Variants in CA6 observed in about 807,000 individuals in gnomAD.
The protein encoded by CA6 is carbonate dehydratase VI.
In CA6, 28 loss-of-function variants were observed where a neutral mutation model predicts 35.9. That is an observed-to-expected ratio of 0.78 (90% CI 0.58 to 1.07). CA6 has a LOEUF of 1.07. CA6 is among the 50% of genes least tolerant of loss of function. The pLI is 0.00. For synonymous variants in CA6, 148 were observed against 152.6 expected (o/e 0.97, Z 0.22); for missense variants, 377 against 382.0 (o/e 0.99, Z 0.11).
At chr1:8,973,716 C>T (rs1005055110) in intron 7 of CA6, among the ~76,000 whole-genome samples, 2 of 9,266 alleles carry the variant, frequency 2.2e-4, no homozygotes, top group African/African-American at 5.8e-4. Flanking sequence ...CTCTCTCTTT[C>T]TTTCTTTCTT....
intron 6 of CA6, among the ~76,000 whole-genome samples, chr1:8,969,967 T>C (rs1159991346): frequency 2.6e-5 from 4 of 152,044 alleles, no homozygotes; most frequent in African/African-American, 7.2e-5. Flanking sequence ...TCCAGCACTA[T>C]GGGAGGCTGA....
In CA6 at chr1:8,949,352, G is replaced by C. The variant is rs200886584; in HGVS notation, c.169G>C (p.Val57Leu). The C allele has an allele frequency of 6.2e-7, 1 of 1,613,396 alleles. No homozygotes were observed. Among genetic ancestry groups the C allele is most frequent in the Non-Finnish European group, 8.5e-7 (1 of 1,179,576 alleles). ...QSPINLQRTK[V>L]RYNPSLKGLN... ...GCCTATCAACCTACAGAGGACGAAGGTGCGGTACAACCCCTCCTTGAAGGG... is the reference window on the plus strand; with the variant it reads ...GCCTATCAACCTACAGAGGACGAAGCTGCGGTACAACCCCTCCTTGAAGGG... Residue 57 changes from valine (V) to leucine (L), a missense_variant, in exon 2 of 8, where the codon GTG becomes CTG. Transcript: ENST00000377443.
At chr1:8,945,994 C>T (rs761252134) in intron 1 of CA6, 29 bp downstream of exon 1, 15 of 1,417,620 alleles carry the variant, frequency 1.1e-5, no homozygotes, top group Non-Finnish European at 1.5e-5. Flanking sequence ...CATGCTCCCC[C>T]AGTTACCCTC....
chr1:8,953,088 A>G (rs930709590), intron 2 of CA6, among the ~76,000 whole-genome samples: 1 of 152,150 alleles, frequency 6.6e-6, no homozygotes. Flanking sequence ...TTTGACCTAT[A>G]GTTTTTCCTC....
At position 8,957,283 on chromosome 1, in the gene CA6, G is replaced by A. The variant is rs755976343; in HGVS notation, c.406G>A (p.Glu136Lys). The change falls in exon 3 of 8, where the codon GAG (glutamate) becomes AAG (lysine). Residue 136 changes from glutamate to lysine, a missense_variant and splice_region_variant. Physicochemically the swap from Glu to Lys is moderately conservative, Grantham distance 56 (BLOSUM62 1). Transcript: ENST00000377443. ...CGTGGACGGGATCAGACATGTGATC[G>A]AGGTACCTGAGGACCCCCACTGTGT... ...HTVDGIRHVI[E>K]IHIVHYNSKY... is the part of the protein sequence containing the mutation. The A allele has an allele frequency of 2.2e-5, 36 of 1,608,892 alleles. No homozygotes were observed. The highest frequency in any genetic ancestry group is 3.1e-5 in the Non-Finnish European group (36 of 1,176,938).
At chr1:8,962,409 C>G (rs1443185390) in intron 4 of CA6, among the ~76,000 whole-genome samples, 178 bp from the exon 5 acceptor site, 3 of 152,068 alleles carry the variant, frequency 2.0e-5, no homozygotes, top group African/African-American at 7.2e-5. Context: ...CATGAACCTG[C>G]GTGGTTGGTA....
Position 8,963,704 on chromosome 1 carries a change from TG to T in CA6, c.571+1050del, listed in dbSNP as rs1337708979. ...CTACAGGTGCACCACCATGCTTGGC[TG>T]GTTTTTTTGTATTTTCAGTAGAGAC... is the stretch of plus-strand genomic sequence containing the variant. On this transcript the variant is annotated intron_variant, in intron 5 of 7. Coordinates refer to ENST00000377443, the MANE Select transcript of CA6 (RefSeq NM_001215.4). This position sits in a 1 kb window ranked among gnomAD's most constrained non-coding sequence, Gnocchi z 4.1. Among the ~76,000 whole-genome samples the T allele has an allele frequency of 2.2e-5, 2 of 89,612 alleles. No individual in the cohort carries two copies. Among genetic ancestry groups the T allele is most frequent in the African/African-American group, 6.7e-5 (1 of 14,944 alleles). 58.8% of individuals were successfully genotyped at this position (89,612 alleles called of 152,430 possible).
chr1:8,949,260 T>C lies in CA6; in HGVS notation c.80-3T>C. On this transcript the variant is annotated splice_polypyrimidine_tract_variant and splice_region_variant and intron_variant, in intron 1 of 7. Coordinates refer to ENST00000377443, the MANE Select transcript of CA6 (RefSeq NM_001215.4). ...CCCTTGAACTGTGTCTTTCCTGTCT[T>C]AGAAGGGGCACTGGACGAAGCGCAC... 1 of 1,591,960 alleles carries C rather than the reference T, an allele frequency of 6.3e-7. No homozygotes were observed. The highest frequency in any genetic ancestry group is 8.5e-7 in the Non-Finnish European group (1 of 1,169,904).
intron 6 of CA6, among the ~76,000 whole-genome samples, chr1:8,968,117 G>A (rs1326625847): frequency 6.6e-6 from 1 of 151,916 alleles, no homozygotes; most frequent in Non-Finnish European, 1.5e-5. Flanking sequence ...CCAGGAGTGT[G>A]CCACCACGCC....
intron 5 of CA6, among the ~76,000 whole-genome samples, chr1:8,965,174 G>A (rs1639937576): frequency 1.3e-5 from 2 of 152,130 alleles, no homozygotes; most frequent in Admixed American, 6.6e-5. Context: ...AACCCGGGAG[G>A]TGGAGGTTGT....
chr1:8,946,174 A>T (rs1200616517), intron 1 of CA6, among the ~76,000 whole-genome samples: 1 of 151,884 alleles, frequency 6.6e-6, no homozygotes, highest in Non-Finnish European at 1.5e-5. Flanking sequence ...AGTACCTGGG[A>T]TTACAGGTGC....
rs755044118 is a variant in CA6 at position 8,951,433 on chromosome 1, G to T, written c.259+1991G>T. On this transcript the variant is annotated intron_variant, in intron 2 of 7. Transcript: ENST00000377443. ...CTCTGATGCTTCCAGATTGGCAGGC[G>T]GAACTCTTCCTCCCCTCCTTGTCCT... 55 of 762,326 alleles carry T rather than the reference G, an allele frequency of 7.2e-5. 2 individuals are homozygous for T. The African/African-American group carries it at 8.0e-4, about 11-fold the overall frequency. The allele number at this position is 762,326 out of a possible 1,614,324, so 47.2% of individuals were successfully genotyped here.
At chr1:8,951,221 A>T (rs1057061327) in intron 2 of CA6, among the ~76,000 whole-genome samples, 84 of 84,292 alleles carry the variant, frequency 1.0e-3, no homozygotes, top group Middle Eastern at 5.7e-3. Context: ...CATCTCAAAG[A>T]AAAAAAAAAA....
At chr1:8,948,611 G>A (rs1170566201) in intron 1 of CA6, among the ~76,000 whole-genome samples, 1 of 151,996 alleles carries the variant, frequency 6.6e-6, no homozygotes, top group Non-Finnish European at 1.5e-5. Flanking sequence ...GAAGAGCAAA[G>A]CCAAGGATCC....
intron 1 of CA6, among the ~76,000 whole-genome samples, chr1:8,948,773 C>T (rs1639437407): frequency 6.6e-6 from 1 of 152,064 alleles, no homozygotes; most frequent in Non-Finnish European, 1.5e-5. Flanking sequence ...AGTTAGAGAT[C>T]AGCCTGGCCA....
intron 3 of CA6, among the ~76,000 whole-genome samples, chr1:8,958,541 C>T (rs1230924293): frequency 2.0e-5 from 3 of 152,204 alleles, no homozygotes; most frequent in Admixed American, 2.0e-4. Flanking sequence ...CAATGGTTGC[C>T]TGGGACAAGG....
intron 4 of CA6, among the ~76,000 whole-genome samples, chr1:8,959,212 T>C (rs1639769383): frequency 6.6e-6 from 1 of 152,118 alleles, no homozygotes; most frequent in Admixed American, 6.6e-5. Flanking sequence ...ACAAGCTGAC[T>C]TAAAAGAGCT....
chr1:8,951,069 G>T (rs1639516886), intron 2 of CA6, among the ~76,000 whole-genome samples: 1 of 149,394 alleles, frequency 6.7e-6, no homozygotes, highest in South Asian at 2.1e-4. Flanking sequence ...CACAAAAATT[G>T]GTTGGGCGTG....
intron 4 of CA6, among the ~76,000 whole-genome samples, chr1:8,959,931 C>CAAAAAAAAAAAAAAAAAAAA (rs373250863): frequency 1.2e-4 from 9 of 75,172 alleles, no homozygotes; most frequent in African/African-American, 6.1e-4. Context: ...GATTCTATCT[C>CAAAAAAAAAAAAAAAAAAAA]AAAAAAAAAA....
Sources: allele counts gnomAD v4.1 joint callset (sites outside exome capture counted in the v4.1 genomes callset), GRCh38; gene constraint gnomAD v4.1.1; non-coding constraint Gnocchi (gnomAD v3.1); transcripts MANE v1.5; gene names NCBI Gene and HGNC (gene_info 2026-07-23, HGNC 2026-07-21).